BTNL9: variants seen among roughly 807,000 people sequenced by gnomAD.
The protein encoded by BTNL9 is butyrophilin-like protein 9.
In BTNL9, 45 loss-of-function variants were observed where a neutral mutation model predicts 45.8. The ratio of observed to expected loss-of-function variants is 0.98; its 90% CI spans 0.77 to 1.26. The LOEUF (loss-of-function observed/expected upper bound fraction) is 1.26, where lower values mean the gene tolerates loss of function less well. BTNL9 is among the 50% of genes most tolerant of loss of function. The pLI, the probability that BTNL9 is intolerant of heterozygous loss-of-function variation, is 0.00. For missense variants in BTNL9, 784 were observed against 729.7 expected (o/e 1.07, Z -0.86); for synonymous variants, 346 against 330.8 (o/e 1.05, Z -0.50).
chr5:181,045,691 CG>C (rs1761076396), intron 2 of BTNL9, 93 bp downstream of exon 2: 2 of 986,416 alleles, frequency 2.0e-6, no homozygotes, highest in African/African-American at 3.2e-5. Flanking sequence ...AGTACCAGGG[CG>C]TGCCAGACGC....
Position 181,040,773 on chromosome 5 carries a change from C to T in BTNL9, c.-24+341C>T, listed in dbSNP as rs377102416. On this transcript the variant is annotated intron_variant, in intron 1 of 10. Coordinates refer to ENST00000327705, the MANE Select transcript of BTNL9 (RefSeq NM_152547.5). ...TGTGGACCTATCGAAATCAAACCAG[C>T]GCAGGCAGTGAGCACTAGCTGGGGT... 4.6e-5 allele frequency among the ~76,000 whole-genome samples: 7 copies of T among 152,224 alleles called. No homozygotes were observed. The East Asian group carries it at 7.7e-4, about 17-fold the overall frequency.
intron 2 of BTNL9, chr5:181,047,439 G>C (rs1414297025): frequency 3.1e-6 from 3 of 967,216 alleles, no homozygotes; most frequent in East Asian, 2.3e-4. Context: ...TGGAAAATCA[G>C]ACAAGCAAAA....
intron 3 of BTNL9, among the ~76,000 whole-genome samples, chr5:181,049,228 C>T (rs779307363): frequency 3.9e-5 from 6 of 152,058 alleles, no homozygotes; most frequent in Non-Finnish European, 7.4e-5. Context: ...ACTCCACCTC[C>T]GATACCTCCA....
In BTNL9 at chr5:181,054,229, T is replaced by G. The variant is rs1282822611; in HGVS notation, c.887-10T>G. 5 of 1,612,546 alleles carry G rather than the reference T, an allele frequency of 3.1e-6. No homozygotes were observed. On this transcript the variant is annotated splice_polypyrimidine_tract_variant and intron_variant, in intron 6 of 10. Coordinates refer to ENST00000327705, the MANE Select transcript of BTNL9 (RefSeq NM_152547.5). ...CCTTTTCTTCATCTTTTTTTTTTTT[T>G]TTTCTCTAGAGAAACTCACTGCAGA... is the stretch of plus-strand genomic sequence containing the variant.
intron 10 of BTNL9, 78 bp downstream of exon 10, chr5:181,058,456 T>A: frequency 6.2e-7 from 1 of 1,602,764 alleles, no homozygotes; most frequent in Non-Finnish European, 8.5e-7. Context: ...AGATCTGAGA[T>A]TAGAGGACGG....
At position 181,055,204 on chromosome 5, in the gene BTNL9, G is replaced by C. The variant is rs1469482669; in HGVS notation, c.908-229G>C. ...TAAGATCTGGTATCCCTTCTAGGCT[G>C]TGTGCAGATTTCCACCTTTGAGCTA... On this transcript the variant is annotated intron_variant, in intron 7 of 10. Coordinates refer to ENST00000327705, the MANE Select transcript of BTNL9 (RefSeq NM_152547.5). This position sits in a 1 kb window ranked among gnomAD's most constrained non-coding sequence, Gnocchi z 4.4. The C allele has an allele frequency of 2.8e-6, 4 of 1,415,362 alleles. No individual in the cohort carries two copies. The highest frequency in any genetic ancestry group is 3.7e-6 in the Non-Finnish European group (4 of 1,088,138). The allele number at this position is 1,415,362 out of a possible 1,614,324, so 87.7% of individuals were successfully genotyped here. A position where few individuals can be genotyped will look rare whatever the true frequency, so the allele number is the denominator to read the frequency against.
intron 2 of BTNL9, among the ~76,000 whole-genome samples, chr5:181,046,445 G>A (rs1276640065): frequency 6.6e-6 from 1 of 152,172 alleles, no homozygotes; most frequent in Non-Finnish European, 1.5e-5. Flanking sequence ...TGAACCCATT[G>A]ATATACGTTT....
chr5:181,040,803 C>T (rs1019933871), intron 1 of BTNL9, among the ~76,000 whole-genome samples: 13 of 147,866 alleles, frequency 8.8e-5, no homozygotes, highest in Admixed American at 3.4e-4. Flanking sequence ...TGGGGTCTGC[C>T]GGGGGGAAGG....
Position 181,059,581 on chromosome 5 carries a change from C to A in BTNL9, c.1327C>A (p.Arg443Ser), listed in dbSNP as rs201962783. The A allele has an allele frequency of 1.9e-5, 31 of 1,612,742 alleles. No individual in the cohort carries two copies. The South Asian group carries it at 3.0e-4, about 15-fold the overall frequency. Reference sequence around the variant, plus strand: ...CCCGCACCGCGTCGCGCTCACCCTGCGCGTGCCCCCGCGGCGCCTGGGCGT... The same window carrying A: ...CCCGCACCGCGTCGCGCTCACCCTGAGCGTGCCCCCGCGGCGCCTGGGCGT... ...LAPHRVALTL[R>S]VPPRRLGVFL... Residue 443 changes from arginine to serine, a missense_variant, in exon 11 of 11, where the codon CGC becomes AGC. Physicochemically the swap from Arg to Ser is moderately radical, Grantham distance 110 (BLOSUM62 -1). Coordinates refer to ENST00000327705, the MANE Select transcript of BTNL9 (RefSeq NM_152547.5).
chr5:181,055,508 A>G lies in BTNL9; in HGVS notation c.928+55A>G, dbSNP rs11948509. ...CTCAGGGCCGGGTCCAGTGGCTCAC[A>G]CCTGTAATCCCAGTACTTTGGGAGG... On this transcript the variant is annotated intron_variant, in intron 8 of 10. Transcript: ENST00000327705. The surrounding 1 kb of genome is among the most constrained non-coding windows in gnomAD (Gnocchi z 4.4). 5,147 of 1,600,314 alleles carry G rather than the reference A, an allele frequency of 3.2e-3. 152 individuals carry two copies. The African/African-American group carries it at 0.06, about 19-fold the overall frequency.
Position 181,050,456 on chromosome 5 carries a change from G to T in BTNL9, c.736+87G>T. ...AAAGGCAGTCTATAAAGACACAATGGTACTGCGCCTGTCTGCATATAGGGT... is the reference window on the plus strand; with the variant it reads ...AAAGGCAGTCTATAAAGACACAATGTTACTGCGCCTGTCTGCATATAGGGT... On this transcript the variant is annotated intron_variant, in intron 4 of 10. Transcript: ENST00000327705. The surrounding 1 kb of genome is among the most constrained non-coding windows in gnomAD (Gnocchi z 4.9). 6.9e-7 allele frequency: 1 copy of T among 1,452,800 alleles called. No individual in the cohort carries two copies. The highest frequency in any genetic ancestry group is 9.4e-7 in the Non-Finnish European group (1 of 1,058,230). 90.0% of individuals were successfully genotyped at this position (1,452,800 alleles called of 1,614,324 possible). A position where few individuals can be genotyped will look rare whatever the true frequency, so the allele number is the denominator to read the frequency against.
rs140525097 is a variant in BTNL9 at position 181,042,373 on chromosome 5, T to G, written c.-24+1941T>G. Among the ~76,000 whole-genome samples the G allele has an allele frequency of 5.1e-4, 78 of 152,184 alleles. No homozygotes were observed. Among genetic ancestry groups the G allele is most frequent in the African/African-American group, 1.6e-3 (66 of 41,522 alleles). ...CCTTACTCCTTCCCCAGGCAAAACCTCCTCACCAGGAACAACCTGAAATCA... is the reference window on the plus strand; with the variant it reads ...CCTTACTCCTTCCCCAGGCAAAACCGCCTCACCAGGAACAACCTGAAATCA... On this transcript the variant is annotated intron_variant, in intron 1 of 10. Coordinates refer to ENST00000327705, the MANE Select transcript of BTNL9 (RefSeq NM_152547.5). This position sits in a 1 kb window ranked among gnomAD's most constrained non-coding sequence, Gnocchi z 4.5.
intron 3 of BTNL9, among the ~76,000 whole-genome samples, chr5:181,048,797 TATATTATATAATTATATTAGTTATATA>T (rs70973971): frequency 0.022 from 366 of 16,728 alleles, 7 homozygotes; most frequent in East Asian, 0.11. Flanking sequence ...TATATAGTTA[TATATTATATAATTATATTAGTTATATA>T]ATATTATATA....
At position 181,055,922 on chromosome 5, in the gene BTNL9, T is replaced by A. The variant is rs1212820188; in HGVS notation, c.929-67T>A. 3 of 1,590,520 alleles carry A rather than the reference T, an allele frequency of 1.9e-6. No individual in the cohort carries two copies. Among genetic ancestry groups the A allele is most frequent in the East Asian group, 4.5e-5 (2 of 44,768 alleles). ...TGCGGGACAGGGTGGGTGCAAGATG[T>A]GATGTGTGAGCAGGGAAGCTTGGGG... On this transcript the variant is annotated intron_variant, in intron 8 of 10. Coordinates refer to ENST00000327705, the MANE Select transcript of BTNL9 (RefSeq NM_152547.5). This position sits in a 1 kb window ranked among gnomAD's most constrained non-coding sequence, Gnocchi z 4.4.
chr5:181,041,951 TA>T (rs1356392788), intron 1 of BTNL9, among the ~76,000 whole-genome samples: 1 of 152,024 alleles, frequency 6.6e-6, no homozygotes, highest in African/African-American at 2.4e-5. Context: ...ATAAATTATC[TA>T]AAAAAATAAC....
rs1408806895 is a variant in BTNL9, at chr5:181,050,264, C to G, written c.631C>G (p.Leu211Val). The change falls in exon 4 of 11, where the codon CTG (leucine) becomes GTG (valine). Residue 211 changes from leucine (L) to valine (V), a missense_variant. Coordinates refer to ENST00000327705, the MANE Select transcript of BTNL9 (RefSeq NM_152547.5). This position sits in a 1 kb window ranked among gnomAD's most constrained non-coding sequence, Gnocchi z 4.9. ...IVWDAQDLFSLETSVVVRAGA... is the reference protein window; with the variant it reads ...IVWDAQDLFSVETSVVVRAGA... Reference sequence around the variant, plus strand: ...CTGGGATGCCCAGGACCTGTTCAGTCTGGAAACATCTGTGGTTGTCCGAGC... The same window carrying G: ...CTGGGATGCCCAGGACCTGTTCAGTGTGGAAACATCTGTGGTTGTCCGAGC... The G allele has an allele frequency of 6.2e-7, 1 of 1,614,080 alleles. No individual in the cohort carries two copies. The highest frequency in any genetic ancestry group is 1.3e-5 in the African/African-American group (1 of 74,956).
intron 2 of BTNL9, among the ~76,000 whole-genome samples, chr5:181,046,537 C>G (rs894292414): frequency 6.6e-5 from 10 of 152,256 alleles, no homozygotes; most frequent in African/African-American, 2.4e-4. Flanking sequence ...AGGTAATTTC[C>G]TAATTTCCTG....
At chr5:181,045,127 G>C (rs550104078) in intron 1 of BTNL9, among the ~76,000 whole-genome samples, 2 of 152,312 alleles carry the variant, frequency 1.3e-5, no homozygotes, top group East Asian at 3.9e-4. Context: ...GCTAAGCCCA[G>C]AAAAGGGGGG....
intron 3 of BTNL9, 100 bp from the exon 4 acceptor site, chr5:181,049,985 CATG>C: frequency 7.1e-7 from 1 of 1,416,258 alleles, no homozygotes; most frequent in Non-Finnish European, 9.6e-7. Context: ...AGTCACACTT[CATG>C]ATGCTTTATG....
Sources: allele counts gnomAD v4.1 joint callset (sites outside exome capture counted in the v4.1 genomes callset), GRCh38; gene constraint gnomAD v4.1.1; non-coding constraint Gnocchi (gnomAD v3.1); transcripts MANE v1.5; gene names NCBI Gene and HGNC (gene_info 2026-07-23, HGNC 2026-07-21).